FOXO1: variants seen among roughly 807,000 people sequenced by gnomAD.
FOXO1 encodes forkhead box O1, also known as forkhead box protein O1.
FOXO1 carries 6 observed loss-of-function variants against 44.1 expected under a neutral mutation model. The observed-to-expected ratio is 0.14, with a 90% confidence interval of 0.07 to 0.27. The LOEUF is 0.27. FOXO1 is among the 10% of genes least tolerant of loss of function. FOXO1 has a pLI of 1.00. For missense variants in FOXO1, 737 were observed against 888.8 expected (o/e 0.83, Z 2.17); for synonymous variants, 380 against 362.7 (o/e 1.05, Z -0.54).
intron 1 of FOXO1, among the ~76,000 whole-genome samples, chr13:40,651,423 C>A (rs1249511008): frequency 6.6e-6 from 1 of 152,038 alleles, no homozygotes. Flanking sequence ...GTATCCACTC[C>A]AAAACCAGAA....
chr13:40,621,555 C>T (rs1220045491), intron 1 of FOXO1, among the ~76,000 whole-genome samples: 3 of 152,114 alleles, frequency 2.0e-5, no homozygotes, highest in Non-Finnish European at 4.4e-5. Context: ...TATCCAGAAA[C>T]ACAAAATAAT....
chr13:40,559,754 G>A lies in FOXO1; in HGVS notation c.1737C>T (p.Ser579=), dbSNP rs45491494. Reference sequence around the variant, plus strand: ...CATAGCCATTGCAGCTGCTCACGGAGGAGTAGCCCCCCAGGGCACTCATCT... The same window carrying A: ...CATAGCCATTGCAGCTGCTCACGGAAGAGTAGCCCCCCAGGGCACTCATCT... ...PMQMSALGGY[S]SVSSCNGYGR... The change falls in exon 2 of 3, where the codon TCC becomes TCT. Residue 579 remains serine (S), a synonymous_variant. Coordinates refer to ENST00000379561, the MANE Select transcript of FOXO1 (RefSeq NM_002015.4). The A allele has an allele frequency of 1.5e-4, 246 of 1,613,470 alleles. 1 individual carries two copies. In the Middle Eastern group the frequency reaches 2.1e-3, roughly 14 times the overall value.
At chr13:40,653,271 A>C (rs1408516840) in intron 1 of FOXO1, among the ~76,000 whole-genome samples, 1 of 152,014 alleles carries the variant, frequency 6.6e-6, no homozygotes, top group Non-Finnish European at 1.5e-5. Flanking sequence ...CCAGCCTCTA[A>C]ATGCATTTCT....
chr13:40,562,896 G>C (rs1014721815), intron 1 of FOXO1: 1 of 152,570 alleles, frequency 6.6e-6, no homozygotes, highest in African/African-American at 2.4e-5. Flanking sequence ...GAAGGGCCTT[G>C]TCTTATAGCT....
chr13:40,618,302 A>T (rs1876493611), intron 1 of FOXO1, among the ~76,000 whole-genome samples: 1 of 152,164 alleles, frequency 6.6e-6, no homozygotes, highest in Non-Finnish European at 1.5e-5. Context: ...TCCTGGACTC[A>T]AGAGATCCAC....
rs199932286 is a variant in FOXO1, at chr13:40,559,935, G to A, written c.1556C>T (p.Pro519Leu). The A allele has an allele frequency of 1.4e-5, 22 of 1,614,046 alleles. No individual in the cohort carries two copies. In the East Asian group the frequency reaches 4.7e-4, roughly 34 times the overall value. The change falls in exon 2 of 3, where the codon CCC (proline) becomes CTC (leucine). Residue 519 changes from proline (P) to leucine (L), a missense_variant. Around this residue, in one of 7 missense-constraint regions of FOXO1, gnomAD observed 283 missense variants for 278.1 expected, o/e 1.02. Coordinates refer to ENST00000379561, the MANE Select transcript of FOXO1 (RefSeq NM_002015.4). ...ATGTCCAGGGTGGGTATGGGAGCTG[G>A]GATTCATCATTTTGTTATGAGATGC... The part of the protein sequence containing the change: ...SQASHNKMMN[P>L]SSHTHPGHAQ...
chr13:40,665,926 G>T lies in FOXO1; in HGVS notation c.287C>A (p.Ala96Glu). ...CCCGGTGGCGGCCGCGGCGGCCGCC[G>T]CCGCCACCGCCGCCGCCACGGAGCC... ...APGSVAAAVA[A>E]AAAAAATGGL... Residue 96 changes from alanine to glutamate, a missense_variant, in exon 1 of 3, where the codon GCG (alanine) becomes GAG (glutamate). Coordinates refer to ENST00000379561, the MANE Select transcript of FOXO1 (RefSeq NM_002015.4). The T allele has an allele frequency of 8.3e-7, 1 of 1,206,970 alleles. No homozygotes were observed. The highest frequency in any genetic ancestry group is 1.0e-6 in the Non-Finnish European group (1 of 974,948). The allele number at this position is 1,206,970 out of a possible 1,614,324, so 74.8% of individuals were successfully genotyped here.
At chr13:40,621,459 T>C (rs1876614899) in intron 1 of FOXO1, 1 of 197,968 alleles carries the variant, frequency 5.1e-6, no homozygotes, top group African/African-American at 2.4e-5. Flanking sequence ...TAACAGATTA[T>C]ATATAGTTTG....
At chr13:40,665,521 AGCTGCGCCCTCGCCTGACCCACCGC>A in intron 1 of FOXO1, 37 bp downstream of exon 1, 2 of 1,289,938 alleles carry the variant, frequency 1.6e-6, no homozygotes, top group South Asian at 2.5e-5. Flanking sequence ...AAACCTGCAC[AGCTGCGCCCTCGCCTGACCCACCGC>A]GCCCCCAAGG....
chr13:40,612,508 C>T (rs1382485790), intron 1 of FOXO1, among the ~76,000 whole-genome samples: 2 of 152,164 alleles, frequency 1.3e-5, no homozygotes, highest in African/African-American at 2.4e-5. Flanking sequence ...CACGTGCGTT[C>T]GCAAGCATGC....
chr13:40,586,403 A>G (rs954951433), intron 1 of FOXO1, among the ~76,000 whole-genome samples: 6 of 152,152 alleles, frequency 3.9e-5, no homozygotes, highest in African/African-American at 1.4e-4. Context: ...GCCCAATAAA[A>G]TGGTGGCACA....
intron 1 of FOXO1, among the ~76,000 whole-genome samples, chr13:40,624,317 T>TAAAAAAAAAAAAAAA (rs10552634): frequency 9.9e-6 from 1 of 100,952 alleles, no homozygotes; most frequent in Non-Finnish European, 2.1e-5. Flanking sequence ...TAATACTGCT[T>TAAAAAAAAAAAAAAA]AAAAAAAAAA....
intron 1 of FOXO1, among the ~76,000 whole-genome samples, chr13:40,565,665 T>G (rs1288120420): frequency 6.6e-6 from 1 of 152,216 alleles, no homozygotes. Flanking sequence ...CACTCAAGTA[T>G]CTGTTGAACA....
At position 40,637,198 on chromosome 13, in the gene FOXO1, C is replaced by A. The variant is rs138506003; in HGVS notation, c.630+28385G>T. 1.9e-3 allele frequency among the ~76,000 whole-genome samples: 295 copies of A among 152,256 alleles called. 1 individual carries two copies. The highest frequency in any genetic ancestry group is 6.9e-3 in the African/African-American group (286 of 41,562). On this transcript the variant is annotated intron_variant, in intron 1 of 2. Transcript: ENST00000379561. Reference sequence around the variant, plus strand: ...GTGGCTCACGTCTGTAATCTCAGCACTTTGGGAGTGCCAAGGCAGGCGGAT... The same window carrying A: ...GTGGCTCACGTCTGTAATCTCAGCAATTTGGGAGTGCCAAGGCAGGCGGAT...
At chr13:40,614,575 C>T (rs1876347889) in intron 1 of FOXO1, among the ~76,000 whole-genome samples, 1 of 152,152 alleles carries the variant, frequency 6.6e-6, no homozygotes, top group South Asian at 2.1e-4. Flanking sequence ...ACAACGCCAG[C>T]AACTTTCTCA....
In FOXO1 at chr13:40,620,272, A is replaced by C. The variant is rs1426649503; in HGVS notation, c.630+45311T>G. On this transcript the variant is annotated intron_variant, in intron 1 of 2. Transcript: ENST00000379561. ...TCCCGGAGAAAATAGAGATCAGGAC[A>C]GTATTGCAAACAGAACTCATCCAGA... 1.2e-5 allele frequency: 15 copies of C among 1,289,448 alleles called. No individual in the cohort carries two copies. In the East Asian group the frequency reaches 3.5e-4, roughly 30 times the overall value. 79.9% of individuals were successfully genotyped at this position (1,289,448 alleles called of 1,614,324 possible). A position where few individuals can be genotyped will look rare whatever the true frequency, so the allele number is the denominator to read the frequency against.
At chr13:40,663,143 G>A (rs1878089222) in intron 1 of FOXO1, among the ~76,000 whole-genome samples, 1 of 152,266 alleles carries the variant, frequency 6.6e-6, no homozygotes, top group Non-Finnish European at 1.5e-5. Flanking sequence ...GCTCCCACTG[G>A]GAGCTGCCCA....
intron 1 of FOXO1, among the ~76,000 whole-genome samples, chr13:40,564,685 C>T (rs1472003154): frequency 2.0e-5 from 3 of 152,196 alleles, no homozygotes; most frequent in African/African-American, 4.8e-5. Context: ...GAACTCTCAA[C>T]AAATATTACC....
chr13:40,581,035 G>A (rs1313388344), intron 1 of FOXO1, among the ~76,000 whole-genome samples: 2 of 152,300 alleles, frequency 1.3e-5, no homozygotes, highest in East Asian at 1.9e-4. Context: ...GCCAAGAGAC[G>A]GAGTTGAGAT....
Sources: gnomAD v4.1 joint callset for allele counts (sites outside exome capture counted in the v4.1 genomes callset) on GRCh38, gnomAD v4.1.1 for gene constraint, gnomAD v4.1.1 regional missense constraint, MANE v1.5 for transcripts, NCBI Gene and HGNC (gene_info 2026-07-23, HGNC 2026-07-21) for gene names.